The following TMEM248 variants were observed in gnomAD, a reference collection of about 807,000 sequenced individuals.
TMEM248 encodes transmembrane protein 248, also known as UPF0458 protein C7orf42.
In TMEM248, 9 loss-of-function variants were observed where a neutral mutation model predicts 30.3. The ratio of observed to expected loss-of-function variants is 0.30; its 90% CI spans 0.18 to 0.52. The LOEUF (loss-of-function observed/expected upper bound fraction) is 0.52, where lower values mean the gene tolerates loss of function less well. Ranked by LOEUF, TMEM248 falls within the 20% of genes least tolerant of loss-of-function variation. The probability of loss-of-function intolerance (pLI) is 0.97; values close to 1 mark genes in which losing one functional copy is unlikely to be tolerated. For missense variants in TMEM248, 338 were observed against 403.3 expected (o/e 0.84, Z 1.39); for synonymous variants, 184 against 154.4 (o/e 1.19, Z -1.42).
intron 4 of TMEM248, among the ~76,000 whole-genome samples, chr7:66,949,739 G>A (rs909114259): frequency 1.3e-5 from 2 of 151,940 alleles, no homozygotes; most frequent in Admixed American, 1.3e-4. Flanking sequence ...AAACAATTAA[G>A]GTTTTTGAAG....
At chr7:66,947,991 A>G (rs553009104) in intron 3 of TMEM248, among the ~76,000 whole-genome samples, 13 of 152,010 alleles carry the variant, frequency 8.6e-5, no homozygotes, top group South Asian at 2.1e-4. Flanking sequence ...GCCTCAAGCA[A>G]TCCTCCTGCC....
chr7:66,933,335 C>A (rs992644504), intron 1 of TMEM248, among the ~76,000 whole-genome samples: 2 of 152,190 alleles, frequency 1.3e-5, no homozygotes, highest in African/African-American at 4.8e-5. Flanking sequence ...ACGCCCAGAT[C>A]TTGTGTTTTT....
At chr7:66,925,496 CAT>C (rs1791498791) in intron 1 of TMEM248, among the ~76,000 whole-genome samples, 1 of 152,140 alleles carries the variant, frequency 6.6e-6, no homozygotes, top group Non-Finnish European at 1.5e-5. Flanking sequence ...CTAGATTCCA[CAT>C]ATAAGTGGAA....
intron 1 of TMEM248, among the ~76,000 whole-genome samples, chr7:66,932,796 A>C (rs1275911844): frequency 6.7e-6 from 1 of 150,358 alleles, no homozygotes; most frequent in Non-Finnish European, 1.5e-5. Context: ...GATTACAGGC[A>C]TGAGCCACCG....
intron 1 of TMEM248, among the ~76,000 whole-genome samples, chr7:66,934,278 G>A (rs1026294306): frequency 1.3e-5 from 2 of 152,044 alleles, no homozygotes; most frequent in Non-Finnish European, 2.9e-5. Context: ...TCAGCTCACT[G>A]CAACCTCTGC....
At chr7:66,954,260 T>G (rs2129226668) in intron 6 of TMEM248, among the ~76,000 whole-genome samples, 1 of 152,312 alleles carries the variant, frequency 6.6e-6, no homozygotes, top group East Asian at 1.9e-4. Context: ...TTACTTATAA[T>G]ACCTAATACA....
At chr7:66,937,945 C>T (rs1325812676) in intron 1 of TMEM248, among the ~76,000 whole-genome samples, 4 of 152,072 alleles carry the variant, frequency 2.6e-5, no homozygotes, top group Non-Finnish European at 4.4e-5. Flanking sequence ...AGGCTGGTCT[C>T]GAACTCCTGA....
intron 3 of TMEM248, among the ~76,000 whole-genome samples, chr7:66,947,180 A>T (rs1036625888): frequency 2.0e-5 from 3 of 146,956 alleles, no homozygotes; most frequent in Non-Finnish European, 3.0e-5. Context: ...GTACCACTGT[A>T]CTCCAGCCTG....
Position 66,956,085 on chromosome 7 carries a change from T to C in TMEM248, c.*563T>C, listed in dbSNP as rs1293250027. 6.5e-6 allele frequency: 1 copy of C among 152,714 alleles called. No homozygotes were observed. The highest frequency in any genetic ancestry group is 1.5e-5 in the Non-Finnish European group (1 of 68,112). The allele number at this position is 152,714 out of a possible 1,614,324, so 9.5% of individuals were successfully genotyped here. A position where few individuals can be genotyped will look rare whatever the true frequency, so the allele number is the denominator to read the frequency against. On this transcript the variant is annotated 3_prime_UTR_variant, in exon 7 of 7. Transcript: ENST00000341567. ...AAACATACCTTAAGTTTTTTTTGTT[T>C]TGTTTTTGTTTTTTTGTTTTTTGTT...
intron 1 of TMEM248, among the ~76,000 whole-genome samples, chr7:66,929,063 T>C (rs1791598249): frequency 6.6e-6 from 1 of 152,174 alleles, no homozygotes; most frequent in African/African-American, 2.4e-5. Context: ...GCTAGAATTA[T>C]GGGCAGGAGC....
chr7:66,938,022 G>T (rs73379759), intron 1 of TMEM248, among the ~76,000 whole-genome samples: 8 of 152,120 alleles, frequency 5.3e-5, no homozygotes, highest in Non-Finnish European at 1.5e-5. Context: ...CACTGCGCCC[G>T]GTTATTTCTT....
At chr7:66,949,168 A>G (rs1296798370) in intron 4 of TMEM248, among the ~76,000 whole-genome samples, 1 of 151,526 alleles carries the variant, frequency 6.6e-6, no homozygotes, top group Non-Finnish European at 1.5e-5. Context: ...AAAGAAAAAG[A>G]AAAAAGAAAA....
intron 1 of TMEM248, among the ~76,000 whole-genome samples, chr7:66,927,220 T>C (rs557582691): frequency 6.6e-6 from 1 of 152,304 alleles, no homozygotes; most frequent in South Asian, 2.1e-4. Context: ...ACCATGGTTT[T>C]ATATCATGAT....
At chr7:66,955,002 C>G (rs1792366788) in intron 6 of TMEM248, among the ~76,000 whole-genome samples, 1 of 152,172 alleles carries the variant, frequency 6.6e-6, no homozygotes, top group Non-Finnish European at 1.5e-5. Context: ...CTAGGTGGAC[C>G]TGTAATCCCA....
rs955208336 is a variant in TMEM248, at chr7:66,948,665, G to A, written c.567G>A (p.Thr189=). The stretch of plus-strand genomic sequence containing the variant: ...TATTCACAGCCTGCATGACCCTCAC[G>A]GCCAGCCCTGGGGTGTTCCCCGTCA... ...QVVFTACMTL[T]ASPGVFPVTV... Residue 189 remains threonine (T), a synonymous_variant, in exon 4 of 7, where the codon ACG becomes ACA. Coordinates refer to ENST00000341567, the MANE Select transcript of TMEM248 (RefSeq NM_017994.5). 9.3e-6 allele frequency: 15 copies of A among 1,613,666 alleles called. No individual in the cohort carries two copies. The highest frequency in any genetic ancestry group is 1.2e-5 in the Non-Finnish European group (14 of 1,179,822).
chr7:66,933,932 G>T (rs1002236630), intron 1 of TMEM248, among the ~76,000 whole-genome samples: 1 of 151,552 alleles, frequency 6.6e-6, no homozygotes, highest in Non-Finnish European at 1.5e-5. Context: ...TAGCGGGAGG[G>T]GTCAAATAGT....
chr7:66,936,424 A>G lies in TMEM248; in HGVS notation c.-18-5424A>G, dbSNP rs151143535. ...GATAAATCCCACTTGGTCATGATGA[A>G]TGATCTTTTTAATGTTTTGAATTCG... On this transcript the variant is annotated intron_variant, in intron 1 of 6. Transcript: ENST00000341567. Among the ~76,000 whole-genome samples, 16 of 152,312 alleles carry G rather than the reference A, an allele frequency of 1.1e-4. No homozygotes were observed. In the East Asian group the frequency reaches 2.1e-3, roughly 20 times the overall value.
At chr7:66,923,418 A>G (rs1791440618) in intron 1 of TMEM248, among the ~76,000 whole-genome samples, 1 of 152,182 alleles carries the variant, frequency 6.6e-6, no homozygotes, top group Non-Finnish European at 1.5e-5. Context: ...CTGGAAGTAT[A>G]GGTGTGAGCC....
At chr7:66,951,849 C>T (rs540482251) in intron 5 of TMEM248, among the ~76,000 whole-genome samples, 9 of 151,952 alleles carry the variant, frequency 5.9e-5, no homozygotes, top group South Asian at 4.2e-4. Flanking sequence ...TTTGTAGAGA[C>T]GGGGGTCTTG....
Sources: allele counts gnomAD v4.1 joint callset (sites outside exome capture counted in the v4.1 genomes callset), GRCh38; gene constraint gnomAD v4.1.1; transcripts MANE v1.5; gene names NCBI Gene and HGNC (gene_info 2026-07-23, HGNC 2026-07-21).